Variants in IL9 observed in about 807,000 individuals in gnomAD.
IL9 encodes the protein interleukin-9.
IL9 carries 16 observed loss-of-function variants against 12.9 expected under a neutral mutation model. The ratio of observed to expected loss-of-function variants is 1.24; its 90% CI spans 0.84 to 1.88. The LOEUF (loss-of-function observed/expected upper bound fraction) is 1.88, where lower values mean the gene tolerates loss of function less well. Ranked by LOEUF, IL9 falls within the 40% of genes most tolerant of loss-of-function variation. IL9 has a pLI of 0.00. For missense variants in IL9, 170 were observed against 173.1 expected, an observed-to-expected ratio of 0.98 and a Z score of 0.10; for synonymous variants, 69 against 63.8, an observed-to-expected ratio of 1.08 and a Z score of -0.39.
Position 135,892,516 on chromosome 5 carries a change from G to A in IL9, c.316-6C>T. The A allele has an allele frequency of 6.2e-7, 1 of 1,610,018 alleles. No individual in the cohort carries two copies. The highest frequency in any genetic ancestry group is 1.1e-5 in the South Asian group (1 of 89,924). Reference sequence around the variant, plus strand: ...GGCTGTTCACAGGAAAAATACTGTGGGGATGAAAGTTGATAAGGACAGAGT... The same window carrying A: ...GGCTGTTCACAGGAAAAATACTGTGAGGATGAAAGTTGATAAGGACAGAGT... On this transcript the variant is annotated splice_polypyrimidine_tract_variant and splice_region_variant and intron_variant, in intron 4 of 4. Transcript: ENST00000274520.
chr5:135,892,473 G>A lies in IL9; in HGVS notation c.353C>T (p.Ala118Val). 1 of 1,613,454 alleles carries A rather than the reference G, an allele frequency of 6.2e-7. No homozygotes were observed. The highest frequency in any genetic ancestry group is 8.5e-7 in the Non-Finnish European group (1 of 1,179,734). ...CTTCAGAAATGTCAGCGCGTTGCCT[G>A]CCGTGGTTTGGTTGCATGGCTGTTC... is the stretch of plus-strand genomic sequence containing the variant. ...SCEQPCNQTT[A>V]GNALTFLKSL... The change falls in exon 5 of 5, where the codon GCA becomes GTA. Residue 118 changes from alanine (A) to valine (V), a missense_variant. Transcript: ENST00000274520.
At chr5:135,892,771 CACACACA>C (rs1561570696) in intron 4 of IL9, among the ~76,000 whole-genome samples, 53 of 144,818 alleles carry the variant, frequency 3.7e-4, no homozygotes, top group African/African-American at 1.3e-3. Flanking sequence ...CACACACACA[CACACACA>C]CCCCTATTAA....
Position 135,892,381 on chromosome 5 carries a change from T to G in IL9, c.*10A>C. The G allele has an allele frequency of 6.4e-7, 1 of 1,571,598 alleles. No homozygotes were observed. Among genetic ancestry groups the G allele is most frequent in the African/African-American group, 1.4e-5 (1 of 72,982 alleles). On this transcript the variant is annotated 3_prime_UTR_variant, in exon 5 of 5. Coordinates refer to ENST00000274520, the MANE Select transcript of IL9 (RefSeq NM_000590.2). ...TAAATTTAATAAATAGGATAAATAA[T>G]ATTTCATCTTCATATCTTGCCTCTC...
rs1762882770 is a variant in IL9, at chr5:135,892,431, A to T, written c.395T>A (p.Phe132Tyr). The change falls in exon 5 of 5, where the codon TTC becomes TAC. Residue 132 changes from phenylalanine to tyrosine, a missense_variant. Physicochemically the swap from Phe to Tyr is conservative, Grantham distance 22. Coordinates refer to ENST00000274520, the MANE Select transcript of IL9 (RefSeq NM_000590.2). ...CATCCCTCTCATCTTTTCTTTCTGGAAAATTTCCAGAAGACTCTTCAGAAA... is the reference window on the plus strand; with the variant it reads ...CATCCCTCTCATCTTTTCTTTCTGGTAAATTTCCAGAAGACTCTTCAGAAA... ...LTFLKSLLEI[F>Y]QKEKMRGMRG... 9.9e-6 allele frequency: 16 copies of T among 1,612,448 alleles called. No homozygotes were observed. The highest frequency in any genetic ancestry group is 1.4e-5 in the Non-Finnish European group (16 of 1,178,946).
chr5:135,895,360 T>A, intron 3 of IL9, 80 bp downstream of exon 3: 1 of 1,173,980 alleles, frequency 8.5e-7, no homozygotes, highest in African/African-American at 1.6e-5. Context: ...ACATTAAATA[T>A]TAAATAAAGC....
intron 3 of IL9, among the ~76,000 whole-genome samples, chr5:135,895,140 A>G (rs1338088271): frequency 6.6e-6 from 1 of 152,226 alleles, no homozygotes; most frequent in African/African-American, 2.4e-5. Context: ...AATTGTGCAC[A>G]TGGCCACCTA....
chr5:135,895,626 C>G (rs776784578), intron 1 of IL9, 36 bp from the exon 2 acceptor site: 1 of 1,613,346 alleles, frequency 6.2e-7, no homozygotes, highest in South Asian at 1.1e-5. Context: ...CTTTAGTCAG[C>G]CCCGAGTTTT....
chr5:135,894,080 G>A lies in IL9; in HGVS notation c.255C>T (p.Tyr85=). 6.2e-7 allele frequency: 1 copy of A among 1,613,326 alleles called. No individual in the cohort carries two copies. The highest frequency in any genetic ancestry group is 8.5e-7 in the Non-Finnish European group (1 of 1,179,588). Residue 85 remains tyrosine (Y), a synonymous_variant, in exon 4 of 5, where the codon TAC becomes TAT. Coordinates refer to ENST00000274520, the MANE Select transcript of IL9 (RefSeq NM_000590.2). ...QMTNTTMQTR[Y]PLIFSRVKKS... is the part of the protein sequence containing the mutation. ...TTTTCACCCGACTGAAAATCAGTGG[G>A]TATCTTGTTTGCATGGTGGTATTGG... is the stretch of plus-strand genomic sequence containing the variant.
intron 3 of IL9, 112 bp downstream of exon 3, chr5:135,895,328 T>G: frequency 1.1e-6 from 1 of 869,640 alleles, no homozygotes; most frequent in Non-Finnish European, 1.8e-6. Flanking sequence ...TCTGTAACAA[T>G]TAAATTAAGC....
At chr5:135,894,232 G>T in intron 3 of IL9, 81 bp from the exon 4 acceptor site, 1 of 1,346,598 alleles carries the variant, frequency 7.4e-7, no homozygotes, top group Non-Finnish European at 1.0e-6. Context: ...ATATAATAGA[G>T]ATGATTTTTA....
Position 135,895,732 on chromosome 5 carries a change from C to G in IL9, c.85G>C (p.Asp29His). ...ATCTTGTTGATGAGGAAGTTGATGT[C>G]CAGGATCCCCGCCAAGGTTGGACAC... Reference protein sequence around the residue: ...QGCPTLAGILDINFLINKMQE... With the variant: ...QGCPTLAGILHINFLINKMQE... The change falls in exon 1 of 5, where the codon GAC (aspartate) becomes CAC (histidine). Residue 29 changes from aspartate to histidine, a missense_variant. Asp to His is a moderately conservative substitution (Grantham distance 81, BLOSUM62 -1). Coordinates refer to ENST00000274520, the MANE Select transcript of IL9 (RefSeq NM_000590.2). The G allele has an allele frequency of 1.9e-6, 3 of 1,614,028 alleles. No homozygotes were observed. Among genetic ancestry groups the G allele is most frequent in the Non-Finnish European group, 1.7e-6 (2 of 1,179,918 alleles).
intron 4 of IL9, 152 bp downstream of exon 4, chr5:135,893,868 A>G (rs930476417): frequency 9.8e-6 from 6 of 611,470 alleles, no homozygotes; most frequent in African/African-American, 9.4e-5. Context: ...CACTTTAATT[A>G]TATTACTTCT....
chr5:135,892,446 C>G lies in IL9; in HGVS notation c.380G>C (p.Ser127Thr), dbSNP rs777896084. The change falls in exon 5 of 5, where the codon AGT becomes ACT. Residue 127 changes from serine (S) to threonine (T), a missense_variant. Coordinates refer to ENST00000274520, the MANE Select transcript of IL9 (RefSeq NM_000590.2). ...TTCTTTCTGGAAAATTTCCAGAAGA[C>G]TCTTCAGAAATGTCAGCGCGTTGCC... ...TAGNALTFLK[S>T]LLEIFQKEKM... The G allele has an allele frequency of 1.1e-5, 17 of 1,613,098 alleles. No individual in the cohort carries two copies. The highest frequency in any genetic ancestry group is 1.4e-5 in the Non-Finnish European group (17 of 1,179,546).
chr5:135,894,012 A>G lies in IL9; in HGVS notation c.315+8T>C. ...ACAGGAACATATCACATATGAAAAC[A>G]AACTTACTGGACACTTGTTGTTCTT... On this transcript the variant is annotated splice_region_variant and intron_variant, in intron 4 of 4. Transcript: ENST00000274520. The G allele has an allele frequency of 6.2e-7, 1 of 1,608,728 alleles. No individual in the cohort carries two copies. The highest frequency in any genetic ancestry group is 8.5e-7 in the Non-Finnish European group (1 of 1,178,642).
chr5:135,893,643 GA>G (rs201210989), intron 4 of IL9, among the ~76,000 whole-genome samples: 4 of 150,674 alleles, frequency 2.7e-5, no homozygotes, highest in East Asian at 1.9e-4. Context: ...TAACCAACAG[GA>G]AAAAAAAATC....
chr5:135,892,292 C>T lies in IL9; in HGVS notation c.*99G>A. ...TACAATGTTAAACAAATAATCACAA[C>T]TGATACTGATTTAGAGTAGCTTACT... On this transcript the variant is annotated 3_prime_UTR_variant, in exon 5 of 5. Coordinates refer to ENST00000274520, the MANE Select transcript of IL9 (RefSeq NM_000590.2). 1 of 882,346 alleles carries T rather than the reference C, an allele frequency of 1.1e-6. No individual in the cohort carries two copies. The highest frequency in any genetic ancestry group is 1.7e-6 in the Non-Finnish European group (1 of 592,550). 54.7% of individuals were successfully genotyped at this position (882,346 alleles called of 1,614,324 possible).
At chr5:135,894,802 C>T (rs1488071346) in intron 3 of IL9, among the ~76,000 whole-genome samples, 1 of 152,224 alleles carries the variant, frequency 6.6e-6, no homozygotes, top group Non-Finnish European at 1.5e-5. Flanking sequence ...TCAGAACTTT[C>T]CTGCCACCCA....
In IL9 at chr5:135,892,296, T is replaced by TA. The variant is rs1739336715; in HGVS notation, c.*94dup. Reference sequence around the variant, plus strand: ...ATGTTAAACAAATAATCACAACTGATACTGATTTAGAGTAGCTTACTTGAT... The same window carrying TA: ...ATGTTAAACAAATAATCACAACTGATAACTGATTTAGAGTAGCTTACTTGAT... On this transcript the variant is annotated 3_prime_UTR_variant, in exon 5 of 5. Coordinates refer to ENST00000274520, the MANE Select transcript of IL9 (RefSeq NM_000590.2). 2.2e-6 allele frequency: 2 copies of TA among 899,630 alleles called. No homozygotes were observed. Among genetic ancestry groups the TA allele is most frequent in the African/African-American group, 3.4e-5 (2 of 58,974 alleles). 55.7% of individuals were successfully genotyped at this position (899,630 alleles called of 1,614,324 possible).
At position 135,894,063 on chromosome 5, in the gene IL9, C is replaced by T. The variant is rs770338397; in HGVS notation, c.272G>A (p.Arg91Gln). ...TAGTACTTCAACTGATTTTTTCACC[C>T]GACTGAAAATCAGTGGGTATCTTGT... ...MQTRYPLIFSRVKKSVEVLKN... is the reference protein window; with the variant it reads ...MQTRYPLIFSQVKKSVEVLKN... The change falls in exon 4 of 5, where the codon CGG (arginine) becomes CAG (glutamine). Residue 91 changes from arginine (R) to glutamine (Q), a missense_variant. Physicochemically the swap from Arg to Gln is conservative, Grantham distance 43. Transcript: ENST00000274520. 3.2e-5 allele frequency: 51 copies of T among 1,612,754 alleles called. No homozygotes were observed. Among genetic ancestry groups the T allele is most frequent in the Middle Eastern group, 1.6e-4 (1 of 6,078 alleles).
Sources: gnomAD v4.1 joint callset for allele counts (sites outside exome capture counted in the v4.1 genomes callset) on GRCh38, gnomAD v4.1.1 for gene constraint, MANE v1.5 for transcripts, NCBI Gene and HGNC (gene_info 2026-07-23, HGNC 2026-07-21) for gene names.